The following HPSE2 variants were observed in gnomAD, a reference collection of about 807,000 sequenced individuals.
The protein encoded by HPSE2 is inactive heparanase-2.
In HPSE2, 38 loss-of-function variants were observed where a neutral mutation model predicts 60.5. The observed-to-expected ratio is 0.63, with a 90% CI of 0.48 to 0.82. HPSE2 has a LOEUF of 0.82. Among genes scored for constraint, HPSE2 ranks in the 40% least tolerant of loss-of-function variants. The probability of loss-of-function intolerance (pLI) is 0.00; values close to 1 mark genes in which losing one functional copy is unlikely to be tolerated. For synonymous variants in HPSE2, 295 were observed against 293.2 expected (o/e 1.01, Z -0.06); for missense variants, 713 against 740.4 (o/e 0.96, Z 0.43).
chr10:98,846,494 T>C (rs1480397703), intron 3 of HPSE2, among the ~76,000 whole-genome samples: 1 of 152,214 alleles, frequency 6.6e-6, no homozygotes, highest in Non-Finnish European at 1.5e-5. Context: ...GCACCCATTT[T>C]TCTCCTTGTT....
chr10:99,305,606 G>A, the HPSE2 span, among the ~76,000 whole-genome samples: 1 of 152,170 alleles, frequency 6.6e-6, no homozygotes, highest in Non-Finnish European at 1.5e-5. Context: ...CTGAAGCCTT[G>A]AGAGTTGGGG....
intron 3 of HPSE2, among the ~76,000 whole-genome samples, chr10:99,053,595 C>A (rs1958039687): frequency 6.6e-6 from 1 of 151,980 alleles, no homozygotes; most frequent in African/African-American, 2.4e-5. Flanking sequence ...TTGCTGAAAC[C>A]ATTTTCAGGG....
intron 9 of HPSE2, among the ~76,000 whole-genome samples, chr10:98,572,428 C>A (rs1248549796): frequency 6.6e-6 from 1 of 152,114 alleles, no homozygotes; most frequent in African/African-American, 2.4e-5. Context: ...CAATGTGGAT[C>A]TTTCTGCTTT....
intron 3 of HPSE2, among the ~76,000 whole-genome samples, chr10:98,898,530 A>G (rs1310046394): frequency 6.6e-6 from 1 of 152,196 alleles, no homozygotes; most frequent in African/African-American, 2.4e-5. Context: ...AAGGCAAAAT[A>G]TCAAGATAGT....
At chr10:98,970,386 T>C (rs10883231) in intron 3 of HPSE2, among the ~76,000 whole-genome samples, 73,072 of 152,060 alleles carry the variant, frequency 0.48, 19,662 homozygotes, top group East Asian at 0.62. Context: ...CCTCCCACCA[T>C]GCCCCACTTC....
At chr10:98,499,892 A>G (rs2133706308) in intron 9 of HPSE2, among the ~76,000 whole-genome samples, 1 of 152,354 alleles carries the variant, frequency 6.6e-6, no homozygotes, top group Admixed American at 6.5e-5. Context: ...GACAAAACAA[A>G]CTTTAAAGCA....
chr10:99,184,281 T>C (rs1361961912), intron 2 of HPSE2, among the ~76,000 whole-genome samples: 1 of 151,892 alleles, frequency 6.6e-6, no homozygotes, highest in Non-Finnish European at 1.5e-5. Flanking sequence ...TCTCAGCACT[T>C]TGGGAGGCCA....
chr10:98,967,721 A>G lies in HPSE2; in HGVS notation c.610+176517T>C, dbSNP rs187455051. Among the ~76,000 whole-genome samples, 326 of 152,318 alleles carry G rather than the reference A, an allele frequency of 2.1e-3. 10 individuals carry two copies. The South Asian group carries it at 0.034, about 16-fold the overall frequency. On this transcript the variant is annotated intron_variant, in intron 3 of 11. Transcript: ENST00000370552. Reference sequence around the variant, plus strand: ...AAATAATGAACTGGTAAAGCAAATAAAGTTAAATATTTGAATGATGATTCA... The same window carrying G: ...AAATAATGAACTGGTAAAGCAAATAGAGTTAAATATTTGAATGATGATTCA...
rs1413793597 is a variant in HPSE2 at position 98,721,521 on chromosome 10, C to T, written c.956+136G>A. On this transcript the variant is annotated intron_variant, in intron 5 of 11. Coordinates refer to ENST00000370552, the MANE Select transcript of HPSE2 (RefSeq NM_021828.5). ...AATCTCTGTCTTAGAGTGGGTGAAG[C>T]CACTATGGAAAGAGTCCCTCCTTTT... The T allele has an allele frequency of 2.9e-5, 23 of 796,610 alleles. 1 individual carries two copies. Among genetic ancestry groups the T allele is most frequent in the African/African-American group, 5.3e-5 (3 of 56,892 alleles). 49.3% of individuals were successfully genotyped at this position (796,610 alleles called of 1,614,324 possible). A position where few individuals can be genotyped will look rare whatever the true frequency, so the allele number is the denominator to read the frequency against.
intron 9 of HPSE2, among the ~76,000 whole-genome samples, chr10:98,492,028 C>T (rs1442678274): frequency 1.3e-5 from 2 of 152,180 alleles, no homozygotes; most frequent in Non-Finnish European, 2.9e-5. Context: ...CAGTTCTTTC[C>T]CATTTTTCTT....
chr10:99,007,437 C>G (rs975176557), intron 3 of HPSE2, among the ~76,000 whole-genome samples: 1 of 152,112 alleles, frequency 6.6e-6, no homozygotes, highest in Non-Finnish European at 1.5e-5. Flanking sequence ...TCTTTCCTAC[C>G]CTCTTCAATG....
chr10:98,484,249 C>T (rs1941356219), intron 10 of HPSE2, among the ~76,000 whole-genome samples: 1 of 151,246 alleles, frequency 6.6e-6, no homozygotes, highest in Non-Finnish European at 1.5e-5. Flanking sequence ...TTTCTTCCTT[C>T]CTTCCTTTCT....
intron 3 of HPSE2, among the ~76,000 whole-genome samples, chr10:98,986,345 A>G (rs1234001920): frequency 2.0e-5 from 3 of 151,968 alleles, no homozygotes; most frequent in Non-Finnish European, 2.9e-5. Flanking sequence ...AACTCACTCA[A>G]AACCACTCAA....
At chr10:98,660,113 G>C (rs954380507) in intron 6 of HPSE2, among the ~76,000 whole-genome samples, 1 of 152,172 alleles carries the variant, frequency 6.6e-6, no homozygotes. Flanking sequence ...TGAATGAAGA[G>C]AGAAAGTGCT....
At chr10:98,975,031 C>A (rs977659340) in intron 3 of HPSE2, among the ~76,000 whole-genome samples, 5 of 152,146 alleles carry the variant, frequency 3.3e-5, no homozygotes, top group Non-Finnish European at 5.9e-5. Flanking sequence ...TGAATAACAA[C>A]TGTATGAAGC....
At chr10:98,859,131 A>G (rs1445985961) in intron 3 of HPSE2, among the ~76,000 whole-genome samples, 2 of 152,152 alleles carry the variant, frequency 1.3e-5, no homozygotes, top group Admixed American at 1.3e-4. Flanking sequence ...AGAAAATTCA[A>G]TTTTCTACAT....
intron 3 of HPSE2, chr10:99,013,354 C>CT: frequency 1.7e-6 from 1 of 605,424 alleles, no homozygotes; most frequent in Non-Finnish European, 3.2e-6. Context: ...CTCTCTCTGT[C>CT]TGTACTGTTC....
intron 5 of HPSE2, among the ~76,000 whole-genome samples, chr10:98,714,046 C>A (rs1214739035): frequency 1.3e-5 from 2 of 151,728 alleles, no homozygotes; most frequent in Non-Finnish European, 2.9e-5. Context: ...AACTATAGTT[C>A]TCTTTCTTGT....
chr10:99,090,854 G>T (rs1441161379), intron 3 of HPSE2, among the ~76,000 whole-genome samples: 1 of 151,998 alleles, frequency 6.6e-6, no homozygotes, highest in African/African-American at 2.4e-5. Flanking sequence ...CTCTGAGGTT[G>T]CGGCCTATTA....
Sources: gnomAD v4.1 joint callset for allele counts (sites outside exome capture counted in the v4.1 genomes callset) on GRCh38, gnomAD v4.1.1 for gene constraint, MANE v1.5 for transcripts, NCBI Gene and HGNC (gene_info 2026-07-23, HGNC 2026-07-21) for gene names.